TRPM3: variants seen among roughly 807,000 people sequenced by gnomAD.
TRPM3 encodes the protein transient receptor potential cation channel subfamily M member 3.
In TRPM3, 77 loss-of-function variants were observed where a neutral mutation model predicts 181.2. The observed-to-expected ratio is 0.42, with a 90% CI of 0.35 to 0.51. The LOEUF (loss-of-function observed/expected upper bound fraction) is 0.51, where lower values mean the gene tolerates loss of function less well. Among genes scored for constraint, TRPM3 ranks in the 20% least tolerant of loss-of-function variants. The pLI is 0.01. For synonymous variants in TRPM3, 745 were observed against 796.4 expected (o/e 0.94, Z 1.09); for missense variants, 1,759 against 2,196.7 (o/e 0.80, Z 3.98).
chr9:70,839,489 A>G lies in TRPM3; in HGVS notation c.801+3514T>C, dbSNP rs997020970. ...AATTGCTGCACTCACTACTTCTATC[A>G]ATAAATAAAATAATTCTAGTAGTAC... On this transcript the variant is annotated intron_variant, in intron 5 of 25. Transcript: ENST00000677713. Among the ~76,000 whole-genome samples the G allele has an allele frequency of 2.0e-5, 3 of 152,324 alleles. No homozygotes were observed. In the East Asian group the frequency reaches 5.8e-4, roughly 29 times the overall value.
At chr9:71,402,453 C>T (rs1160694837) in intron 1 of TRPM3, among the ~76,000 whole-genome samples, 1 of 152,100 alleles carries the variant, frequency 6.6e-6, no homozygotes, top group Non-Finnish European at 1.5e-5. Context: ...TGAAGATGCA[C>T]AAAGGTCTTG....
intron 9 of TRPM3, among the ~76,000 whole-genome samples, chr9:70,658,767 CT>C (rs2060713536): frequency 6.6e-6 from 1 of 151,892 alleles, no homozygotes; most frequent in Non-Finnish European, 1.5e-5. Context: ...ACACAGGTTT[CT>C]GATAACTTTG....
At chr9:70,738,488 G>A (rs1259456572) in intron 8 of TRPM3, among the ~76,000 whole-genome samples, 1 of 152,058 alleles carries the variant, frequency 6.6e-6, no homozygotes, top group African/African-American at 2.4e-5. Flanking sequence ...TACAGCAAAG[G>A]CAGTGCTAAG....
At chr9:70,761,254 C>T in intron 8 of TRPM3, 1 of 595,308 alleles carries the variant, frequency 1.7e-6, no homozygotes, top group Non-Finnish European at 3.0e-6. Context: ...TCATGACTTC[C>T]AAGCAAAATG....
At chr9:71,197,638 T>A (rs2078473399) in intron 1 of TRPM3, among the ~76,000 whole-genome samples, 1 of 152,200 alleles carries the variant, frequency 6.6e-6, no homozygotes, top group Non-Finnish European at 1.5e-5. Flanking sequence ...TGAGCATTTT[T>A]TCATGTGTCT....
intron 1 of TRPM3, among the ~76,000 whole-genome samples, chr9:71,151,393 T>C (rs1470161233): frequency 1.3e-5 from 2 of 152,108 alleles, no homozygotes; most frequent in African/African-American, 4.8e-5. Flanking sequence ...TCCTATTTGT[T>C]ACAAGAGCTT....
At chr9:70,675,686 A>G (rs967569359) in intron 9 of TRPM3, among the ~76,000 whole-genome samples, 1 of 152,224 alleles carries the variant, frequency 6.6e-6, no homozygotes, top group Non-Finnish European at 1.5e-5. Context: ...TCTAAGATCA[A>G]CAGTGATCAG....
chr9:71,339,877 A>T (rs1466652200), intron 1 of TRPM3, among the ~76,000 whole-genome samples: 3 of 152,148 alleles, frequency 2.0e-5, no homozygotes. Context: ...CGTTTTTGGT[A>T]TATAAATTTA....
At chr9:71,053,346 A>T (rs955066351) in intron 1 of TRPM3, among the ~76,000 whole-genome samples, 1 of 152,050 alleles carries the variant, frequency 6.6e-6, no homozygotes, top group Non-Finnish European at 1.5e-5. Context: ...ACCTTCTTAA[A>T]AGTGCCTCTT....
rs1251397765 is a variant in TRPM3 at position 70,917,481 on chromosome 9, C to G, written c.178-52970G>C. The stretch of plus-strand genomic sequence containing the variant: ...GCCACCCGCACTGTCACTGCCACCA[C>G]CAGCACCAGGGCCAAGGGAGCCACC... On this transcript the variant is annotated intron_variant, in intron 1 of 25. Coordinates refer to ENST00000677713, the MANE Select transcript of TRPM3 (RefSeq NM_001366145.2). The G allele has an allele frequency of 6.8e-6, 5 of 738,600 alleles. No individual in the cohort carries two copies. In the African/African-American group the frequency reaches 8.7e-5, roughly 13 times the overall value. The allele number at this position is 738,600 out of a possible 1,614,324, so 45.8% of individuals were successfully genotyped here.
chr9:70,785,274 G>A lies in TRPM3; in HGVS notation c.974-995C>T, dbSNP rs114374654. ...AATTGCTTTAATTGCTGTATGCATCGTTCAACCTAACCTTAAAGAGAAGTA... is the reference window on the plus strand; with the variant it reads ...AATTGCTTTAATTGCTGTATGCATCATTCAACCTAACCTTAAAGAGAAGTA... On this transcript the variant is annotated intron_variant, in intron 6 of 25. Transcript: ENST00000677713. Among the ~76,000 whole-genome samples the A allele has an allele frequency of 5.1e-3, 772 of 152,242 alleles. 4 individuals carry two copies. Among genetic ancestry groups the A allele is most frequent in the African/African-American group, 0.018 (732 of 41,544 alleles).
intron 1 of TRPM3, among the ~76,000 whole-genome samples, chr9:71,030,422 A>G (rs1276858330): frequency 2.0e-5 from 3 of 151,962 alleles, no homozygotes; most frequent in African/African-American, 7.2e-5. Flanking sequence ...AAAATTAGCT[A>G]AGCATGGTGG....
chr9:71,310,679 A>G lies in TRPM3; in HGVS notation c.183+135974T>C, dbSNP rs372000251. On this transcript the variant is annotated intron_variant, in intron 1 of 24. Transcript: ENST00000357533. Reference sequence around the variant, plus strand: ...TATGTGTAGCTCCTACTGTAAATTAATGAGCAGACATTAAGATTTATAAAT... The same window carrying G: ...TATGTGTAGCTCCTACTGTAAATTAGTGAGCAGACATTAAGATTTATAAAT... Among the ~76,000 whole-genome samples the G allele has an allele frequency of 4.6e-5, 7 of 152,256 alleles. No homozygotes were observed. In the East Asian group the frequency reaches 7.7e-4, roughly 17 times the overall value.
chr9:70,591,559 TC>T lies in TRPM3; in HGVS notation c.3049-355del, dbSNP rs1299091104. Among the ~76,000 whole-genome samples the T allele has an allele frequency of 2.0e-5, 3 of 152,308 alleles. No homozygotes were observed. The East Asian group carries it at 5.8e-4, about 29-fold the overall frequency. On this transcript the variant is annotated intron_variant, in intron 21 of 25. Coordinates refer to ENST00000677713, the MANE Select transcript of TRPM3 (RefSeq NM_001366145.2). ...CTGTGTGAATCAGGTGCTAACTTTT[TC>T]TCTGCTCCTGGGGGAGGCAAGTGTC... is the stretch of plus-strand genomic sequence containing the variant.
intron 1 of TRPM3, among the ~76,000 whole-genome samples, chr9:71,408,208 G>A (rs1011372484): frequency 5.3e-5 from 8 of 152,138 alleles, no homozygotes; most frequent in Non-Finnish European, 8.8e-5. Flanking sequence ...CCAAAGGATC[G>A]CAGCTCCTCG....
chr9:71,398,183 G>A (rs917801135), intron 1 of TRPM3, among the ~76,000 whole-genome samples: 20 of 152,246 alleles, frequency 1.3e-4, no homozygotes, highest in African/African-American at 4.1e-4. Context: ...CCCTTTATAA[G>A]TTCAAGGATC....
chr9:71,331,710 A>C (rs76278125), intron 1 of TRPM3, among the ~76,000 whole-genome samples: 1,238 of 113,154 alleles, frequency 0.011, 20 homozygotes, highest in African/African-American at 0.036. Flanking sequence ...AAGGAGGAGA[A>C]AAAGGAGGAG....
chr9:71,124,090 G>C (rs1037110896), upstream of TRPM3, among the ~76,000 whole-genome samples: 1 of 152,138 alleles, frequency 6.6e-6, no homozygotes, highest in Non-Finnish European at 1.5e-5. Flanking sequence ...TCAGGGAATT[G>C]ATTTGGAGAT....
chr9:70,918,212 C>G (rs1394511198), intron 1 of TRPM3, among the ~76,000 whole-genome samples: 2 of 152,112 alleles, frequency 1.3e-5, no homozygotes, highest in African/African-American at 2.4e-5. Flanking sequence ...TTAGACAGAT[C>G]ACTCAGAAAG....
Sources: allele counts gnomAD v4.1 joint callset (sites outside exome capture counted in the v4.1 genomes callset), GRCh38; gene constraint gnomAD v4.1.1; transcripts MANE v1.5; gene names NCBI Gene and HGNC (gene_info 2026-07-23, HGNC 2026-07-21).